DIP2B: variants seen among roughly 807,000 people sequenced by gnomAD.
DIP2B encodes disco-interacting protein 2 homolog B.
DIP2B carries 76 observed loss-of-function variants against 198.0 expected under a neutral mutation model. That is an observed-to-expected ratio of 0.38 (90% CI 0.32 to 0.46). The LOEUF is 0.46. Ranked by LOEUF, DIP2B falls within the 20% of genes least tolerant of loss-of-function variation. The pLI, the probability that DIP2B is intolerant of heterozygous loss-of-function variation, is 0.99. For synonymous variants in DIP2B, 701 were observed against 739.1 expected (o/e 0.95, Z 0.84); for missense variants, 1,559 against 1,978.4 (o/e 0.79, Z 4.02).
intron 20 of DIP2B, 102 bp from the exon 21 acceptor site, chr12:50,706,436 T>C: frequency 3.6e-6 from 5 of 1,399,596 alleles, no homozygotes; most frequent in Non-Finnish European, 4.9e-6. Flanking sequence ...GTTGTGTTTT[T>C]AATACTTTTT....
At chr12:50,690,087 ATTT>A (rs796347201) in intron 12 of DIP2B, among the ~76,000 whole-genome samples, 3 of 140,246 alleles carry the variant, frequency 2.1e-5, no homozygotes, top group Non-Finnish European at 3.1e-5. Context: ...GGAACACTTA[ATTT>A]TTTTTTTTTT....
intron 1 of DIP2B, among the ~76,000 whole-genome samples, chr12:50,586,504 T>G (rs1314083522): frequency 6.6e-6 from 1 of 152,132 alleles, no homozygotes; most frequent in Non-Finnish European, 1.5e-5. Flanking sequence ...CTTGAAGAAG[T>G]GAGTTTCTTA....
chr12:50,560,349 C>T (rs1461148845), intron 1 of DIP2B, among the ~76,000 whole-genome samples: 6 of 151,018 alleles, frequency 4.0e-5, no homozygotes, highest in East Asian at 1.9e-4. Context: ...GAGCCGAGAT[C>T]GCAGCCACTG....
intron 3 of DIP2B, among the ~76,000 whole-genome samples, chr12:50,643,175 G>GT (rs1938289137): frequency 6.6e-6 from 1 of 152,044 alleles, no homozygotes; most frequent in South Asian, 2.1e-4. Context: ...ATGTAAAAAA[G>GT]TTTTTTGTGA....
At chr12:50,699,338 C>A in intron 19 of DIP2B, 136 bp downstream of exon 19, 1 of 1,331,564 alleles carries the variant, frequency 7.5e-7, no homozygotes, top group South Asian at 1.4e-5. Flanking sequence ...TGCCTAAGTT[C>A]AAATTCTGAA....
chr12:50,670,031 C>A (rs1938823080), intron 4 of DIP2B, among the ~76,000 whole-genome samples: 1 of 152,100 alleles, frequency 6.6e-6, no homozygotes, highest in Non-Finnish European at 1.5e-5. Context: ...AGACCAAATG[C>A]CCTCTTTAAC....
Position 50,730,370 on chromosome 12 carries a change from TTCTC to T in DIP2B, c.3642-989_3642-986del, listed in dbSNP as rs752705883. On this transcript the variant is annotated intron_variant, in intron 30 of 37. Coordinates refer to ENST00000301180, the MANE Select transcript of DIP2B (RefSeq NM_173602.3). The stretch of plus-strand genomic sequence containing the variant: ...TCTCTTTCTTTTTTTGTTTCTTTCT[TTCTC>T]TCTCTCTCTTTTTTTTTTTTTTTTA... Among the ~76,000 whole-genome samples the T allele has an allele frequency of 2.1e-3, 234 of 114,086 alleles. 10 individuals carry two copies. Among genetic ancestry groups the T allele is most frequent in the South Asian group, 3.9e-3 (15 of 3,810 alleles). 74.8% of individuals were successfully genotyped at this position (114,086 alleles called of 152,430 possible).
intron 1 of DIP2B, among the ~76,000 whole-genome samples, chr12:50,547,084 TCTTTC>T (rs913695119): frequency 1.3e-5 from 2 of 152,236 alleles, no homozygotes; most frequent in Non-Finnish European, 2.9e-5. Context: ...TGAAATCCTT[TCTTTC>T]CTTGGCTTCA....
chr12:50,722,503 C>G (rs1042941648), intron 26 of DIP2B, among the ~76,000 whole-genome samples: 11 of 152,064 alleles, frequency 7.2e-5, no homozygotes, highest in Non-Finnish European at 1.2e-4. Context: ...ATCCACCTGC[C>G]CCAACCTTCC....
chr12:50,638,094 A>G (rs1385136536), intron 2 of DIP2B, among the ~76,000 whole-genome samples: 2 of 152,246 alleles, frequency 1.3e-5, no homozygotes, highest in Non-Finnish European at 2.9e-5. Context: ...GATATTCTGC[A>G]TAACAGACTG....
Position 50,671,225 on chromosome 12 carries a change from G to C in DIP2B, c.467G>C (p.Arg156Pro). The change falls in exon 5 of 38, where the codon CGC becomes CCC. Residue 156 changes from arginine (R) to proline (P), a missense_variant. By Grantham distance (103) the Arg-to-Pro change is moderately radical. Coordinates refer to ENST00000301180, the MANE Select transcript of DIP2B (RefSeq NM_173602.3). ...TCTGAGGATGAGGGCTCTCTGAGACGCCAAGCTGCGCTCTCTGCTGCCTTG... is the reference window on the plus strand; with the variant it reads ...TCTGAGGATGAGGGCTCTCTGAGACCCCAAGCTGCGCTCTCTGCTGCCTTG... Reference protein sequence around the residue: ...SASEDEGSLRRQAALSAALQQ... With the variant: ...SASEDEGSLRPQAALSAALQQ... 1 of 1,614,108 alleles carries C rather than the reference G, an allele frequency of 6.2e-7. No homozygotes were observed. The highest frequency in any genetic ancestry group is 8.5e-7 in the Non-Finnish European group (1 of 1,180,020).
intron 1 of DIP2B, among the ~76,000 whole-genome samples, chr12:50,562,314 G>A (rs1483031373): frequency 1.3e-5 from 2 of 151,896 alleles, no homozygotes; most frequent in East Asian, 1.9e-4. Flanking sequence ...AAGAGGGGAG[G>A]TTATTTAGGT....
chr12:50,587,035 T>G (rs552392473), intron 1 of DIP2B, among the ~76,000 whole-genome samples: 1 of 152,340 alleles, frequency 6.6e-6, no homozygotes, highest in African/African-American at 2.4e-5. Flanking sequence ...GTGTCTCTTT[T>G]GTACCTTTAG....
At chr12:50,607,334 G>A (rs1336562387) in intron 1 of DIP2B, among the ~76,000 whole-genome samples, 1 of 152,156 alleles carries the variant, frequency 6.6e-6, no homozygotes, top group Non-Finnish European at 1.5e-5. Flanking sequence ...TATCCAAAGA[G>A]ACATAGCTAG....
intron 34 of DIP2B, among the ~76,000 whole-genome samples, chr12:50,735,509 C>A (rs2139602191): frequency 6.6e-6 from 1 of 151,682 alleles, no homozygotes; most frequent in Non-Finnish European, 1.5e-5. Flanking sequence ...ACTCTGCCAC[C>A]CAGGCTAGAG....
intron 1 of DIP2B, among the ~76,000 whole-genome samples, chr12:50,593,966 G>T (rs1306994623): frequency 7.4e-6 from 1 of 135,074 alleles, no homozygotes; most frequent in East Asian, 2.2e-4. Flanking sequence ...CTTTGATGGA[G>T]TTTCACTCTT....
At chr12:50,550,112 A>G (rs1363244529) in intron 1 of DIP2B, among the ~76,000 whole-genome samples, 2 of 152,158 alleles carry the variant, frequency 1.3e-5, no homozygotes. Context: ...TGCCTTGTCC[A>G]GTGAAGGAAA....
At chr12:50,637,741 C>G (rs1052847878) in intron 2 of DIP2B, among the ~76,000 whole-genome samples, 9 of 152,198 alleles carry the variant, frequency 5.9e-5, no homozygotes, top group Admixed American at 5.9e-4. Flanking sequence ...AGAGCCCATC[C>G]TGTTTCACTC....
At chr12:50,626,809 A>G (rs1217173250) in intron 2 of DIP2B, among the ~76,000 whole-genome samples, 3 of 147,072 alleles carry the variant, frequency 2.0e-5, no homozygotes, top group South Asian at 4.2e-4. Context: ...TATAAATACC[A>G]TGAGGACTTT....
Sources: allele counts gnomAD v4.1 joint callset (sites outside exome capture counted in the v4.1 genomes callset), GRCh38; gene constraint gnomAD v4.1.1; transcripts MANE v1.5; gene names NCBI Gene and HGNC (gene_info 2026-07-23, HGNC 2026-07-21).